RB1: variants seen among roughly 807,000 people sequenced by gnomAD.
RB1 encodes RB transcriptional corepressor 1, also known as retinoblastoma-associated protein.
RB1 carries 18 observed loss-of-function variants against 135.4 expected under a neutral mutation model. That is an observed-to-expected ratio of 0.13 (90% CI 0.09 to 0.20). RB1 has a LOEUF of 0.20. Among genes scored for constraint, RB1 ranks in the 10% least tolerant of loss-of-function variants. The probability of loss-of-function intolerance (pLI) is 1.00; values close to 1 mark genes in which losing one functional copy is unlikely to be tolerated. For synonymous variants in RB1, 365 were observed against 373.2 expected (o/e 0.98, Z 0.25); for missense variants, 868 against 1,110.0 (o/e 0.78, Z 3.10).
At chr13:48,461,170 T>TCC (rs1416347982) in intron 20 of RB1, among the ~76,000 whole-genome samples, 1 of 151,914 alleles carries the variant, frequency 6.6e-6, no homozygotes, top group African/African-American at 2.4e-5. Context: ...CACCCCCTAT[T>TCC]CCCCTACCCC....
chr13:48,359,856 C>A, intron 6 of RB1, among the ~76,000 whole-genome samples, 161 bp from the exon 7 acceptor site: 2 of 149,862 alleles, frequency 1.3e-5, no homozygotes, highest in African/African-American at 2.5e-5. Context: ...CCTTTTAAAA[C>A]AGATTTTTTT....
rs369955270 is a variant in RB1 at position 48,338,508 on chromosome 13, G to A, written c.265-4091G>A. ...CTTGTGCATTCATCACGTAGTTCTC[G>A]TGCCATGGTTTTCAGCTCCATCAGG... On this transcript the variant is annotated intron_variant, in intron 2 of 26. Coordinates refer to ENST00000267163, the MANE Select transcript of RB1 (RefSeq NM_000321.3). Among the ~76,000 whole-genome samples, 393 of 152,220 alleles carry A rather than the reference G, an allele frequency of 2.6e-3. 3 individuals are homozygous for A. Among genetic ancestry groups the A allele is most frequent in the Middle Eastern group, 0.014 (4 of 294 alleles).
At position 48,419,241 on chromosome 13, in the gene RB1, C is replaced by G. The variant is rs757686586; in HGVS notation, c.1696-33752C>G. 3.2e-4 allele frequency among the ~76,000 whole-genome samples: 49 copies of G among 152,136 alleles called. 1 individual carries two copies. Among genetic ancestry groups the G allele is most frequent in the Non-Finnish European group, 1.8e-4 (12 of 68,006 alleles). On this transcript the variant is annotated intron_variant, in intron 17 of 26. Transcript: ENST00000267163. ...CTCAGGATTAAGAAACTCACTCAAACCTGCACAACTGCATGGAAACTGAAC... is the reference window on the plus strand; with the variant it reads ...CTCAGGATTAAGAAACTCACTCAAAGCTGCACAACTGCATGGAAACTGAAC...
chr13:48,383,078 T>TA (rs1354200745), intron 17 of RB1, among the ~76,000 whole-genome samples: 1 of 152,184 alleles, frequency 6.6e-6, no homozygotes, highest in African/African-American at 2.4e-5. Context: ...AGATAATTTA[T>TA]TTAAAGTACA....
intron 17 of RB1, among the ~76,000 whole-genome samples, chr13:48,436,762 G>A (rs889582466): frequency 6.6e-6 from 1 of 152,190 alleles, no homozygotes; most frequent in Non-Finnish European, 1.5e-5. Context: ...AAAGGCCAAG[G>A]TCTGCCAAAA....
intron 3 of RB1, among the ~76,000 whole-genome samples, chr13:48,344,824 T>C (rs1370330941): frequency 5.3e-5 from 8 of 152,176 alleles, no homozygotes; most frequent in Non-Finnish European, 1.2e-4. Flanking sequence ...ACAGAATAAA[T>C]ATACGCATAT....
At chr13:48,409,943 T>C (rs190442961) in intron 17 of RB1, among the ~76,000 whole-genome samples, 1 of 152,172 alleles carries the variant, frequency 6.6e-6, no homozygotes, top group Non-Finnish European at 1.5e-5. Context: ...GGTACTTTTT[T>C]TCTAAAGTAT....
chr13:48,411,862 T>C (rs121434307), intron 17 of RB1: 7 of 1,613,792 alleles, frequency 4.3e-6, no homozygotes, highest in Admixed American at 1.7e-5. Flanking sequence ...ACTATTTCGA[T>C]GAAAATTACA....
chr13:48,307,663 T>C (rs1006834097), intron 2 of RB1, among the ~76,000 whole-genome samples: 1 of 141,256 alleles, frequency 7.1e-6, no homozygotes, highest in Admixed American at 7.5e-5. Flanking sequence ...GAGACCAGCC[T>C]GGGCAACATG....
intron 2 of RB1, chr13:48,320,142 G>A (rs1566179369): frequency 1.2e-5 from 10 of 803,412 alleles, no homozygotes; most frequent in Non-Finnish European, 1.6e-5. Context: ...ACGGGCCAAA[G>A]TCTGCAGTTT....
At chr13:48,386,388 G>A (rs1242658820) in intron 17 of RB1, among the ~76,000 whole-genome samples, 1 of 151,018 alleles carries the variant, frequency 6.6e-6, no homozygotes, top group Non-Finnish European at 1.5e-5. Context: ...CTCCACTCTT[G>A]AGTATGTCTT....
intron 2 of RB1, among the ~76,000 whole-genome samples, chr13:48,313,454 T>A (rs1952150213): frequency 6.6e-6 from 1 of 151,338 alleles, no homozygotes; most frequent in African/African-American, 2.4e-5. Context: ...CCCAAGGTCA[T>A]GAAGACTTAT....
chr13:48,458,138 C>G (rs1949373220), intron 19 of RB1, among the ~76,000 whole-genome samples: 2 of 152,246 alleles, frequency 1.3e-5, no homozygotes, highest in African/African-American at 4.8e-5. Flanking sequence ...TCCGGGCTTC[C>G]TGGAGCGTGC....
At chr13:48,413,284 T>C (rs1948850086) in intron 17 of RB1, among the ~76,000 whole-genome samples, 1 of 152,224 alleles carries the variant, frequency 6.6e-6, no homozygotes, top group Admixed American at 6.5e-5. Flanking sequence ...GCTGTTGAAC[T>C]GCGTGGTCTG....
intron 2 of RB1, chr13:48,320,171 C>T: frequency 2.3e-6 from 2 of 856,536 alleles, no homozygotes; most frequent in Non-Finnish European, 3.7e-6. Flanking sequence ...CTCATGGGGT[C>T]AAAGTCAGCA....
At position 48,392,678 on chromosome 13, in the gene RB1, T is replaced by C. The variant is rs1948619960; in HGVS notation, c.1695+11235T>C. Among the ~76,000 whole-genome samples, 4 of 152,190 alleles carry C rather than the reference T, an allele frequency of 2.6e-5. No homozygotes were observed. The South Asian group carries it at 8.3e-4, about 31-fold the overall frequency. On this transcript the variant is annotated intron_variant, in intron 17 of 26. Transcript: ENST00000267163. Reference sequence around the variant, plus strand: ...TTGAACATATGGGATATAGGTATTATAACTTTTTAAATGTCCCTGTTACTA... The same window carrying C: ...TTGAACATATGGGATATAGGTATTACAACTTTTTAAATGTCCCTGTTACTA...
intron 17 of RB1, among the ~76,000 whole-genome samples, chr13:48,433,309 A>G (rs557693118): frequency 6.6e-6 from 1 of 152,292 alleles, no homozygotes; most frequent in East Asian, 1.9e-4. Flanking sequence ...GATGTTTTAA[A>G]ACATTTAAAA....
intron 17 of RB1, chr13:48,391,517 G>C (rs1180218651): frequency 1.3e-5 from 2 of 152,072 alleles, no homozygotes; most frequent in Non-Finnish European, 1.5e-5. Context: ...CACTTAGTGG[G>C]GCTGAGGCGG....
rs528857592 is a variant in RB1, at chr13:48,362,407, AACTT to A, written c.719-406_719-403del. ...TTTTAAAGACATCATAATTTACTAA[AACTT>A]AAAATATTGTTTTTATGCTATGTCT... On this transcript the variant is annotated intron_variant, in intron 7 of 26. Coordinates refer to ENST00000267163, the MANE Select transcript of RB1 (RefSeq NM_000321.3). Among the ~76,000 whole-genome samples, 29 of 152,160 alleles carry A rather than the reference AACTT, an allele frequency of 1.9e-4. 1 individual carries two copies. In the South Asian group the frequency reaches 6.0e-3, roughly 32 times the overall value.
Sources: allele counts gnomAD v4.1 joint callset (sites outside exome capture counted in the v4.1 genomes callset), GRCh38; gene constraint gnomAD v4.1.1; transcripts MANE v1.5; gene names NCBI Gene and HGNC (gene_info 2026-07-23, HGNC 2026-07-21).